The following NXPH1 variants were observed in gnomAD, a reference collection of about 807,000 sequenced individuals.
The protein encoded by NXPH1 is neurexophilin 1, also known as neurexophilin-1.
In NXPH1, 5 loss-of-function variants were observed where a neutral mutation model predicts 23.7. That is an observed-to-expected ratio of 0.21 (90% CI 0.11 to 0.44). NXPH1 has a LOEUF of 0.44. Among genes scored for constraint, NXPH1 ranks in the 20% least tolerant of loss-of-function variants. The pLI is 0.99. For synonymous variants in NXPH1, 144 were observed against 122.2 expected (o/e 1.18, Z -1.18); for missense variants, 324 against 321.6 (o/e 1.01, Z -0.06).
chr7:8,708,159 T>C (rs10271487), intron 2 of NXPH1, among the ~76,000 whole-genome samples: 6,359 of 152,196 alleles, frequency 0.042, 293 homozygotes, highest in East Asian at 0.19. Flanking sequence ...TATAAAGAAT[T>C]CTTAATTCTT....
intron 2 of NXPH1, among the ~76,000 whole-genome samples, chr7:8,486,503 G>A (rs1584188134): frequency 6.6e-6 from 1 of 152,244 alleles, no homozygotes; most frequent in Admixed American, 6.5e-5. Flanking sequence ...TAATAAGACT[G>A]CCTTCTGCCA....
intron 2 of NXPH1, among the ~76,000 whole-genome samples, chr7:8,496,718 C>A (rs1164109609): frequency 2.0e-5 from 3 of 152,070 alleles, no homozygotes; most frequent in Non-Finnish European, 4.4e-5. Flanking sequence ...GACTGTGAGG[C>A]ATGCTTTACT....
chr7:8,656,150 C>T (rs760677219), intron 2 of NXPH1, among the ~76,000 whole-genome samples: 3 of 152,016 alleles, frequency 2.0e-5, no homozygotes, highest in African/African-American at 7.3e-5. Context: ...GGTTGCTGCA[C>T]AAGGAAGATA....
intron 2 of NXPH1, among the ~76,000 whole-genome samples, chr7:8,528,217 GC>G (rs1412050899): frequency 6.6e-6 from 1 of 152,226 alleles, no homozygotes; most frequent in Non-Finnish European, 1.5e-5. Flanking sequence ...TGAAGGGCAA[GC>G]TTTGGGGCCT....
chr7:8,690,916 G>C (rs996609527), intron 2 of NXPH1, among the ~76,000 whole-genome samples: 1 of 152,218 alleles, frequency 6.6e-6, no homozygotes, highest in Non-Finnish European at 1.5e-5. Context: ...ATAGGATCTT[G>C]CACTGCTCCT....
At chr7:8,672,397 C>A (rs2115170564) in intron 2 of NXPH1, among the ~76,000 whole-genome samples, 1 of 151,998 alleles carries the variant, frequency 6.6e-6, no homozygotes, top group Admixed American at 6.6e-5. Context: ...GTGCAGCACA[C>A]CAGTATGGCA....
chr7:8,505,472 G>C (rs1046905728), intron 2 of NXPH1, among the ~76,000 whole-genome samples: 2 of 152,028 alleles, frequency 1.3e-5, no homozygotes, highest in East Asian at 3.9e-4. Context: ...ATAAATAATA[G>C]ACCTCAACAT....
intron 2 of NXPH1, among the ~76,000 whole-genome samples, chr7:8,672,204 A>G (rs112500993): frequency 0.02 from 3,096 of 152,264 alleles, 61 homozygotes; most frequent in Middle Eastern, 0.048. Flanking sequence ...GGAAACCATC[A>G]TTCTCAGCAA....
intron 2 of NXPH1, among the ~76,000 whole-genome samples, chr7:8,603,726 T>C (rs926841015): frequency 3.3e-5 from 5 of 152,204 alleles, no homozygotes; most frequent in African/African-American, 9.6e-5. Context: ...TTTTTTACTC[T>C]CTCCAGGATC....
intron 2 of NXPH1, among the ~76,000 whole-genome samples, chr7:8,678,386 C>T (rs1359114929): frequency 6.6e-6 from 1 of 152,166 alleles, no homozygotes; most frequent in South Asian, 2.1e-4. Flanking sequence ...CTACTTATGT[C>T]TCTCTTATGT....
At chr7:8,747,297 T>G (rs986444519) in intron 2 of NXPH1, among the ~76,000 whole-genome samples, 1 of 152,186 alleles carries the variant, frequency 6.6e-6, no homozygotes, top group African/African-American at 2.4e-5. Flanking sequence ...AACTAAACAA[T>G]TTTTATTCTA....
At chr7:8,628,504 T>A (rs1484318309) in intron 2 of NXPH1, among the ~76,000 whole-genome samples, 2 of 151,954 alleles carry the variant, frequency 1.3e-5, no homozygotes, top group East Asian at 3.9e-4. Flanking sequence ...AAGAATGTAG[T>A]TTCTGGTGAT....
chr7:8,449,785 G>A (rs1563313488), intron 2 of NXPH1, among the ~76,000 whole-genome samples: 3 of 152,106 alleles, frequency 2.0e-5, no homozygotes, highest in Non-Finnish European at 4.4e-5. Flanking sequence ...TCCCTCCTTT[G>A]GGCAGATCTT....
At position 8,655,589 on chromosome 7, in the gene NXPH1, T is replaced by C. The variant is rs1205855851; in HGVS notation, c.55-95419T>C. The stretch of plus-strand genomic sequence containing the variant: ...ATGCATGTGTGTGTGTGTGTGTGTG[T>C]GTGTATGTTTATGTGTGTGTGATGG... On this transcript the variant is annotated intron_variant, in intron 2 of 2. Coordinates refer to ENST00000405863, the MANE Select transcript of NXPH1 (RefSeq NM_152745.3). Among the ~76,000 whole-genome samples, 2 of 73,866 alleles carry C rather than the reference T, an allele frequency of 2.7e-5. 1 individual carries two copies. The highest frequency in any genetic ancestry group is 6.1e-5 in the Non-Finnish European group (2 of 32,798). 48.5% of individuals were successfully genotyped at this position (73,866 alleles called of 152,430 possible). A position where few individuals can be genotyped will look rare whatever the true frequency, so the allele number is the denominator to read the frequency against.
At chr7:8,728,661 A>T (rs1245971949) in intron 2 of NXPH1, among the ~76,000 whole-genome samples, 4 of 151,232 alleles carry the variant, frequency 2.6e-5, no homozygotes, top group Admixed American at 2.0e-4. Context: ...GCGTATATTG[A>T]ACCAGCCTTG....
chr7:8,615,558 C>T (rs1819716379), intron 2 of NXPH1, among the ~76,000 whole-genome samples: 1 of 151,956 alleles, frequency 6.6e-6, no homozygotes, highest in Non-Finnish European at 1.5e-5. Flanking sequence ...TCTGCTTGTC[C>T]CATATTATTG....
intron 2 of NXPH1, among the ~76,000 whole-genome samples, chr7:8,462,721 T>C (rs12056036): frequency 0.38 from 57,272 of 152,188 alleles, 11,296 homozygotes; most frequent in East Asian, 0.63. Context: ...TTGTACATGA[T>C]ATATACAATT....
chr7:8,640,269 T>A (rs1484991185), intron 2 of NXPH1, among the ~76,000 whole-genome samples: 7 of 151,918 alleles, frequency 4.6e-5, no homozygotes, highest in Non-Finnish European at 1.0e-4. Context: ...TAAAAAATGT[T>A]TAGTGATTTA....
At chr7:8,739,925 C>T (rs562774136) in intron 2 of NXPH1, among the ~76,000 whole-genome samples, 1 of 152,304 alleles carries the variant, frequency 6.6e-6, no homozygotes, top group African/African-American at 2.4e-5. Context: ...TTTTTCAGCT[C>T]CATTATAATC....
Sources: gnomAD v4.1 joint callset for allele counts (sites outside exome capture counted in the v4.1 genomes callset) on GRCh38, gnomAD v4.1.1 for gene constraint, MANE v1.5 for transcripts, NCBI Gene and HGNC (gene_info 2026-07-23, HGNC 2026-07-21) for gene names.